NRXN1: variants seen among roughly 807,000 people sequenced by gnomAD.
The protein encoded by NRXN1 is neurexin 1.
Under a neutral mutation model 150.9 loss-of-function variants are expected in NRXN1, and 39 were observed. The ratio of observed to expected loss-of-function variants is 0.26; its 90% confidence interval spans 0.20 to 0.34. NRXN1 has a LOEUF of 0.34. Ranked by LOEUF, NRXN1 falls within the 10% of genes least tolerant of loss-of-function variation. NRXN1 has a pLI of 1.00. For synonymous variants in NRXN1, 924 were observed against 757.0 expected (o/e 1.22, Z -3.62); for missense variants, 1,815 against 1,949.9 (o/e 0.93, Z 1.30).
intron 8 of NRXN1, among the ~76,000 whole-genome samples, chr2:50,580,812 A>G (rs1369151467): frequency 1.3e-5 from 2 of 152,122 alleles, no homozygotes; most frequent in Non-Finnish European, 2.9e-5. Flanking sequence ...TTTCCATGCT[A>G]TGTTCACAGC....
chr2:49,948,700 G>C (rs1347025604), intron 21 of NRXN1, among the ~76,000 whole-genome samples: 2 of 151,914 alleles, frequency 1.3e-5, no homozygotes, highest in Non-Finnish European at 2.9e-5. Context: ...ACTGTGTTTG[G>C]AGCTGCTGCT....
chr2:50,766,294 T>C (rs1702376737), intron 5 of NRXN1, among the ~76,000 whole-genome samples: 1 of 151,700 alleles, frequency 6.6e-6, no homozygotes, highest in Admixed American at 6.6e-5. Context: ...TGGGATGGGG[T>C]GGGAGTGGAA....
At chr2:50,002,560 C>T (rs545982012) in intron 21 of NRXN1, among the ~76,000 whole-genome samples, 1 of 152,124 alleles carries the variant, frequency 6.6e-6, no homozygotes, top group Non-Finnish European at 1.5e-5. Context: ...AACTAGAAAC[C>T]TTTTTGAGAG....
At chr2:50,694,058 A>G (rs971456514) in intron 5 of NRXN1, among the ~76,000 whole-genome samples, 5 of 152,132 alleles carry the variant, frequency 3.3e-5, no homozygotes, top group African/African-American at 1.2e-4. Context: ...CTGCCAAAGC[A>G]CTGGGATTAT....
chr2:50,755,509 A>T (rs1385154314), intron 5 of NRXN1, among the ~76,000 whole-genome samples: 3 of 151,824 alleles, frequency 2.0e-5, no homozygotes, highest in Non-Finnish European at 2.9e-5. Flanking sequence ...CTCACTGGCC[A>T]TAAGAGCCTG....
chr2:50,014,758 A>G (rs62132490), intron 21 of NRXN1, among the ~76,000 whole-genome samples: 71,131 of 152,000 alleles, frequency 0.47, 17,201 homozygotes, highest in Middle Eastern at 0.61. Context: ...CAGCGACTTA[A>G]TTCTAGGGCC....
chr2:50,949,575 C>T (rs1244474163), intron 2 of NRXN1, among the ~76,000 whole-genome samples: 10 of 152,044 alleles, frequency 6.6e-5, no homozygotes, highest in Admixed American at 5.9e-4. Flanking sequence ...CTTCCTAGTG[C>T]AATCCAGACA....
rs1273118975 is a variant in NRXN1, at chr2:50,354,586, T to TATATATATATATATATAC, written c.3364+110855_3364+110856insGTATATATATATATATAT. The stretch of plus-strand genomic sequence containing the variant: ...ATATATATATATATATATATATATA[T>TATATATATATATATATAC]ACACACACACACTAGCTTTTTGCTG... On this transcript the variant is annotated intron_variant, in intron 17 of 22. Transcript: ENST00000401669. Among the ~76,000 whole-genome samples the TATATATATATATATATAC allele has an allele frequency of 2.1e-3, 267 of 124,588 alleles. 2 individuals are homozygous for TATATATATATATATATAC. The highest frequency in any genetic ancestry group is 3.8e-3 in the Non-Finnish European group (221 of 57,980). The allele number at this position is 124,588 out of a possible 152,430, so 81.7% of individuals were successfully genotyped here.
At chr2:50,769,843 C>A (rs564518591) in intron 5 of NRXN1, among the ~76,000 whole-genome samples, 2 of 151,866 alleles carry the variant, frequency 1.3e-5, no homozygotes, top group African/African-American at 4.8e-5. Flanking sequence ...ACAGCCTAGA[C>A]AAAATAAAGA....
At chr2:50,547,293 T>C (rs1474797793) in intron 9 of NRXN1, among the ~76,000 whole-genome samples, 1 of 132,098 alleles carries the variant, frequency 7.6e-6, no homozygotes, top group Non-Finnish European at 1.5e-5. Flanking sequence ...GTAATGATGG[T>C]TTACAAAATA....
chr2:50,262,928 G>C (rs1398269944), intron 17 of NRXN1, among the ~76,000 whole-genome samples: 3 of 151,888 alleles, frequency 2.0e-5, no homozygotes, highest in Admixed American at 1.3e-4. Context: ...GTCCTTCATA[G>C]ATACCCAGTT....
chr2:49,946,479 T>G (rs1284690241), intron 21 of NRXN1, among the ~76,000 whole-genome samples: 1 of 152,208 alleles, frequency 6.6e-6, no homozygotes, highest in Non-Finnish European at 1.5e-5. Context: ...TAAATGGTAT[T>G]GCCTAGGTTT....
intron 17 of NRXN1, among the ~76,000 whole-genome samples, chr2:50,415,244 A>G (rs565888396): frequency 6.6e-6 from 1 of 152,192 alleles, no homozygotes; most frequent in Non-Finnish European, 1.5e-5. Flanking sequence ...ACATTAAATT[A>G]CAGTTAAAGT....
chr2:50,651,139 G>GA (rs939250333), intron 5 of NRXN1, among the ~76,000 whole-genome samples: 5 of 151,876 alleles, frequency 3.3e-5, no homozygotes, highest in African/African-American at 1.2e-4. Flanking sequence ...TTAAGTTCTG[G>GA]AAAAAATAAG....
chr2:50,695,782 C>A (rs551209547), intron 5 of NRXN1, among the ~76,000 whole-genome samples: 1 of 151,740 alleles, frequency 6.6e-6, no homozygotes, highest in Admixed American at 6.6e-5. Flanking sequence ...GTTTTTTGAG[C>A]CTCAGTTTTA....
At chr2:50,396,906 T>G (rs2082086489) in intron 17 of NRXN1, among the ~76,000 whole-genome samples, 1 of 152,152 alleles carries the variant, frequency 6.6e-6, no homozygotes, top group Non-Finnish European at 1.5e-5. Flanking sequence ...AGATTTGGAC[T>G]TAAGGTCAAA....
intron 5 of NRXN1, among the ~76,000 whole-genome samples, chr2:50,716,512 T>A (rs545312973): frequency 1.1e-4 from 16 of 152,210 alleles, no homozygotes; most frequent in African/African-American, 3.9e-4. Flanking sequence ...ACATTTCAAA[T>A]AAGAAATTAT....
chr2:50,670,690 T>C (rs1688715412), intron 5 of NRXN1, among the ~76,000 whole-genome samples: 1 of 151,984 alleles, frequency 6.6e-6, no homozygotes, highest in Non-Finnish European at 1.5e-5. Context: ...CCTGTCTCCC[T>C]AATTCCCTTG....
chr2:50,107,539 A>ATATATATTTTTTT (rs59921941), intron 18 of NRXN1, among the ~76,000 whole-genome samples: 2 of 129,884 alleles, frequency 1.5e-5, no homozygotes, highest in Non-Finnish European at 3.2e-5. Context: ...ATATATATAT[A>ATATATATTTTTTT]TTTTTTTTTT....
Sources: allele counts gnomAD v4.1 joint callset (sites outside exome capture counted in the v4.1 genomes callset), GRCh38; gene constraint gnomAD v4.1.1; transcripts MANE v1.5; gene names NCBI Gene and HGNC (gene_info 2026-07-23, HGNC 2026-07-21).